Variants in DIAPH1 observed in about 807,000 individuals in gnomAD.
DIAPH1 encodes diaphanous related formin 1.
Under a neutral mutation model 140.7 loss-of-function variants are expected in DIAPH1, and 46 were observed. That is an observed-to-expected ratio of 0.33 (90% CI 0.26 to 0.42). The LOEUF (loss-of-function observed/expected upper bound fraction) is 0.42, where lower values mean the gene tolerates loss of function less well. DIAPH1 is among the 10% of genes least tolerant of loss of function. The probability of loss-of-function intolerance (pLI) is 1.00; values close to 1 mark genes in which losing one functional copy is unlikely to be tolerated. For synonymous variants in DIAPH1, 565 were observed against 551.6 expected, an observed-to-expected ratio of 1.02 and a Z score of -0.34; for missense variants, 1,310 against 1,558.7, an observed-to-expected ratio of 0.84 and a Z score of 2.69.
intron 18 of DIAPH1, among the ~76,000 whole-genome samples, chr5:141,547,438 C>G (rs2154595535): frequency 6.6e-6 from 1 of 151,534 alleles, no homozygotes; most frequent in East Asian, 1.9e-4. Flanking sequence ...GCACTCCAGC[C>G]TGGGCGACAG....
At chr5:141,560,452 A>T (rs1374131191) in intron 18 of DIAPH1, among the ~76,000 whole-genome samples, 1 of 152,222 alleles carries the variant, frequency 6.6e-6, no homozygotes, top group Non-Finnish European at 1.5e-5. Context: ...TTAACAAGCA[A>T]AGGACATATT....
chr5:141,542,618 T>C (rs966210493), intron 18 of DIAPH1, among the ~76,000 whole-genome samples: 6 of 152,180 alleles, frequency 3.9e-5, no homozygotes, highest in Non-Finnish European at 8.8e-5. Context: ...ACATATATTA[T>C]TTCACTTATA....
At chr5:141,597,653 A>G (rs955986546) in intron 1 of DIAPH1, among the ~76,000 whole-genome samples, 27 of 152,348 alleles carry the variant, frequency 1.8e-4, no homozygotes, top group African/African-American at 6.0e-4. Context: ...GAGAACCACC[A>G]GCTAAAAGGG....
At chr5:141,554,424 C>T (rs558179020) in intron 18 of DIAPH1, among the ~76,000 whole-genome samples, 3 of 152,226 alleles carry the variant, frequency 2.0e-5, no homozygotes, top group East Asian at 1.9e-4. Context: ...AGAACTAAAT[C>T]GGTGATCAAA....
At chr5:141,532,810 A>G (rs1353156207) in intron 19 of DIAPH1, among the ~76,000 whole-genome samples, 2 of 152,288 alleles carry the variant, frequency 1.3e-5, no homozygotes, top group African/African-American at 2.4e-5. Flanking sequence ...TCTGTTTTCC[A>G]TATCAATATC....
At chr5:141,519,011 A>C in intron 27 of DIAPH1, 2 of 1,550,080 alleles carry the variant, frequency 1.3e-6, no homozygotes, top group Non-Finnish European at 1.7e-6. Context: ...CAAGAGGAGA[A>C]AGAATAGTGA....
chr5:141,577,198 T>C (rs1487652923), intron 12 of DIAPH1, among the ~76,000 whole-genome samples: 3 of 152,192 alleles, frequency 2.0e-5, no homozygotes, highest in Non-Finnish European at 4.4e-5. Context: ...GAATTTTAAA[T>C]TGCCACTTCT....
At chr5:141,588,317 A>C in intron 1 of DIAPH1, 67 bp from the exon 2 acceptor site, 1 of 1,189,824 alleles carries the variant, frequency 8.4e-7, no homozygotes, top group South Asian at 1.2e-5. Flanking sequence ...AAACCTCCCA[A>C]ACACCAGACG....
rs1562283599 is a variant in DIAPH1 at position 141,527,713 on chromosome 5, A to C, written c.3149-16T>G. The C allele has an allele frequency of 1.1e-5, 17 of 1,567,414 alleles. No individual in the cohort carries two copies. Among genetic ancestry groups the C allele is most frequent in the East Asian group, 4.5e-5 (2 of 44,294 alleles). ...TCAGCAGAAACTAAAAAAAAAAAAA[A>C]AAAAAAAAACCATAAAAACAGACAG... On this transcript the variant is annotated splice_polypyrimidine_tract_variant and intron_variant, in intron 23 of 27. Transcript: ENST00000389054.
chr5:141,525,792 A>G (rs2099887248), intron 26 of DIAPH1, among the ~76,000 whole-genome samples: 1 of 152,204 alleles, frequency 6.6e-6, no homozygotes, highest in Non-Finnish European at 1.5e-5. Flanking sequence ...CCACAATCAC[A>G]GGGGAATGAG....
At chr5:141,537,507 A>G (rs1298781683) in intron 18 of DIAPH1, among the ~76,000 whole-genome samples, 1 of 150,810 alleles carries the variant, frequency 6.6e-6, no homozygotes, top group Non-Finnish European at 1.5e-5. Flanking sequence ...AAAAAAAAAA[A>G]AAGGGATGAA....
chr5:141,581,483 A>G (rs1330386257), intron 7 of DIAPH1, among the ~76,000 whole-genome samples: 1 of 152,256 alleles, frequency 6.6e-6, no homozygotes, highest in Non-Finnish European at 1.5e-5. Flanking sequence ...ACAGAATTAG[A>G]TGTCTTCCAA....
chr5:141,545,417 C>T (rs982939277), intron 18 of DIAPH1, among the ~76,000 whole-genome samples: 1 of 152,044 alleles, frequency 6.6e-6, no homozygotes, highest in Non-Finnish European at 1.5e-5. Flanking sequence ...TTTGGAAGGA[C>T]AAGTGGTAGG....
intron 1 of DIAPH1, among the ~76,000 whole-genome samples, chr5:141,590,091 A>G (rs919766173): frequency 1.3e-5 from 2 of 151,938 alleles, no homozygotes; most frequent in African/African-American, 4.8e-5. Context: ...CTAATGAAAA[A>G]CTGGTTCCAT....
intron 1 of DIAPH1, among the ~76,000 whole-genome samples, chr5:141,616,784 T>A (rs184768805): frequency 2.1e-3 from 316 of 152,334 alleles, no homozygotes; most frequent in African/African-American, 7.4e-3. Flanking sequence ...TTCAGCAGAT[T>A]AAGGGTTAAG....
intron 18 of DIAPH1, among the ~76,000 whole-genome samples, chr5:141,539,026 G>A (rs941569842): frequency 1.3e-5 from 2 of 151,744 alleles, no homozygotes; most frequent in African/African-American, 4.8e-5. Flanking sequence ...TGTAATCCCA[G>A]CACTTAAGGA....
intron 18 of DIAPH1, among the ~76,000 whole-genome samples, chr5:141,549,646 A>G (rs1336704144): frequency 1.3e-5 from 2 of 152,320 alleles, no homozygotes; most frequent in African/African-American, 4.8e-5. Flanking sequence ...GCAAGCCTCA[A>G]CAAATTTCAA....
At chr5:141,593,165 C>G (rs1446848150) in intron 1 of DIAPH1, among the ~76,000 whole-genome samples, 2 of 152,070 alleles carry the variant, frequency 1.3e-5, no homozygotes, top group Admixed American at 1.3e-4. Flanking sequence ...ATAATTGGCA[C>G]CAGATACCTA....
At chr5:141,531,170 G>A (rs754582205) in intron 19 of DIAPH1, among the ~76,000 whole-genome samples, 1 of 152,056 alleles carries the variant, frequency 6.6e-6, no homozygotes, top group Non-Finnish European at 1.5e-5. Flanking sequence ...CCACCTCCCC[G>A]AAAAGACAAT....
Sources: allele counts gnomAD v4.1 joint callset (sites outside exome capture counted in the v4.1 genomes callset), GRCh38; gene constraint gnomAD v4.1.1; transcripts MANE v1.5; gene names NCBI Gene and HGNC (gene_info 2026-07-23, HGNC 2026-07-21).